TRMT9B: variants seen among roughly 807,000 people sequenced by gnomAD.
TRMT9B encodes tRNA methyltransferase 9B (putative).
TRMT9B carries 16 observed loss-of-function variants against 11.5 expected under a neutral mutation model. That is an observed-to-expected ratio of 1.39 (90% CI 0.94 to 2.11). TRMT9B has a LOEUF of 2.11. Among genes scored for constraint, TRMT9B ranks in the 30% most tolerant of loss-of-function variants. TRMT9B has a pLI of 0.00. For synonymous variants in TRMT9B, 274 were observed against 192.4 expected (o/e 1.42, Z -3.51); for missense variants, 941 against 553.8 (o/e 1.70, Z -7.02).
At chr8:12,977,038 C>G (rs543070305) in intron 1 of TRMT9B, among the ~76,000 whole-genome samples, 1 of 152,292 alleles carries the variant, frequency 6.6e-6, no homozygotes, top group South Asian at 2.1e-4. Flanking sequence ...GGAGGTGCTG[C>G]TAGCAGATGG....
rs1240241165 is a variant in TRMT9B, at chr8:13,022,278, A to G, written c.*234A>G. On this transcript the variant is annotated 3_prime_UTR_variant, in exon 5 of 5. Transcript: ENST00000524591. Reference sequence around the variant, plus strand: ...TTAAATGTTAATATACAAGATCTGAAGAAGCAACAGAAAGTACCCTTCAGT... The same window carrying G: ...TTAAATGTTAATATACAAGATCTGAGGAAGCAACAGAAAGTACCCTTCAGT... 1.8e-5 allele frequency: 8 copies of G among 439,696 alleles called. No individual in the cohort carries two copies. The highest frequency in any genetic ancestry group is 1.6e-4 in the African/African-American group (8 of 49,164). The allele number at this position is 439,696 out of a possible 1,614,324, so 27.2% of individuals were successfully genotyped here.
chr8:13,001,632 A>G (rs1809474546), intron 2 of TRMT9B, among the ~76,000 whole-genome samples: 1 of 152,210 alleles, frequency 6.6e-6, no homozygotes, highest in African/African-American at 2.4e-5. Context: ...AAAAGACAAG[A>G]GGTGTTTAAA....
intron 2 of TRMT9B, among the ~76,000 whole-genome samples, chr8:13,003,645 C>T (rs895383798): frequency 6.6e-6 from 1 of 151,346 alleles, no homozygotes; most frequent in Non-Finnish European, 1.5e-5. Flanking sequence ...GCCTTATGTG[C>T]CCGCCTAAGC....
intron 4 of TRMT9B, among the ~76,000 whole-genome samples, chr8:13,015,070 T>G (rs1301281270): frequency 8.1e-6 from 1 of 123,998 alleles, no homozygotes; most frequent in Non-Finnish European, 1.7e-5. Flanking sequence ...AATAAATAAA[T>G]AAATAAATAA....
intron 1 of TRMT9B, among the ~76,000 whole-genome samples, chr8:12,973,923 G>A (rs1038733558): frequency 5.3e-5 from 8 of 152,144 alleles, no homozygotes; most frequent in African/African-American, 1.9e-4. Flanking sequence ...ACTTTGGGAG[G>A]CTGAGATGGG....
At chr8:13,020,172 A>T (rs1429727941) in intron 4 of TRMT9B, among the ~76,000 whole-genome samples, 1 of 152,162 alleles carries the variant, frequency 6.6e-6, no homozygotes, top group East Asian at 1.9e-4. Context: ...TCATATCAAA[A>T]CAAGAATCTT....
At chr8:12,991,270 T>G (rs113246282) in intron 2 of TRMT9B, among the ~76,000 whole-genome samples, 1 of 152,360 alleles carries the variant, frequency 6.6e-6, no homozygotes, top group East Asian at 1.9e-4. Flanking sequence ...AATACTTTTG[T>G]AGGACTTAAA....
chr8:13,017,278 A>T (rs1812901555), intron 4 of TRMT9B, among the ~76,000 whole-genome samples: 1 of 152,218 alleles, frequency 6.6e-6, no homozygotes, highest in Admixed American at 6.5e-5. Flanking sequence ...ATGAAATATC[A>T]AGATGTAACA....
intron 1 of TRMT9B, chr8:12,952,029 T>C (rs915668307): frequency 5.7e-6 from 1 of 176,902 alleles, no homozygotes; most frequent in African/African-American, 2.4e-5. Flanking sequence ...CGTCTATTTT[T>C]TCCTCTTCCT....
At chr8:12,978,200 C>T (rs147920006) in intron 1 of TRMT9B, among the ~76,000 whole-genome samples, 38 of 152,262 alleles carry the variant, frequency 2.5e-4, no homozygotes, top group African/African-American at 8.7e-4. Context: ...AAACTTCCTG[C>T]TCATCATCAA....
chr8:13,004,449 T>C (rs1051273399), intron 2 of TRMT9B, among the ~76,000 whole-genome samples: 2 of 151,402 alleles, frequency 1.3e-5, no homozygotes, highest in Non-Finnish European at 1.5e-5. Flanking sequence ...ATAAAGAGGA[T>C]TTTGTCTTGT....
At chr8:12,956,015 C>A (rs3915727) in intron 1 of TRMT9B, among the ~76,000 whole-genome samples, 61,460 of 152,036 alleles carry the variant, frequency 0.4, 13,355 homozygotes, top group Middle Eastern at 0.57. Context: ...AAGCTGGTGA[C>A]TGAACATTGC....
intron 3 of TRMT9B, among the ~76,000 whole-genome samples, chr8:13,009,906 T>C (rs1811273445): frequency 6.6e-6 from 1 of 152,166 alleles, no homozygotes; most frequent in South Asian, 2.1e-4. Flanking sequence ...GGCGGGCAGA[T>C]CTTTTAGCTC....
In TRMT9B at chr8:12,951,502, C is replaced by A. The variant is rs1032552118; in HGVS notation, c.-200+5536C>A. The stretch of plus-strand genomic sequence containing the variant: ...GGCACGGCTGGAGGCCGGAAGGTCA[C>A]CCCGTCCCCGGCGGGGCGGGCGCGG... On this transcript the variant is annotated intron_variant, in intron 1 of 4. Transcript: ENST00000524591. The A allele has an allele frequency of 2.0e-5, 3 of 152,368 alleles. No individual in the cohort carries two copies. In the East Asian group the frequency reaches 5.8e-4, roughly 30 times the overall value. 9.4% of individuals were successfully genotyped at this position (152,368 alleles called of 1,614,324 possible).
At chr8:12,951,294 C>T (rs1181584514) in intron 1 of TRMT9B, 1 of 152,440 alleles carries the variant, frequency 6.6e-6, no homozygotes, top group Non-Finnish European at 1.5e-5. Flanking sequence ...ATGAACCGAC[C>T]CCGAGGGGGC....
intron 2 of TRMT9B, among the ~76,000 whole-genome samples, chr8:13,005,584 A>G (rs1004863220): frequency 2.0e-5 from 3 of 152,232 alleles, no homozygotes; most frequent in East Asian, 3.8e-4. Context: ...AAAATTAAAA[A>G]TAAATAAATA....
chr8:12,986,704 G>A (rs776769557), intron 1 of TRMT9B, among the ~76,000 whole-genome samples: 3 of 152,060 alleles, frequency 2.0e-5, no homozygotes, highest in Admixed American at 6.5e-5. Context: ...GGATAGTAGT[G>A]GTACATTGTA....
At chr8:13,004,512 G>C (rs950707424) in intron 2 of TRMT9B, among the ~76,000 whole-genome samples, 4 of 151,984 alleles carry the variant, frequency 2.6e-5, no homozygotes, top group African/African-American at 9.6e-5. Flanking sequence ...AGAGTCCTGA[G>C]GCCGTCTGTT....
At position 12,959,052 on chromosome 8, in the gene TRMT9B, C is replaced by T. The variant is rs187634064; in HGVS notation, c.-200+13086C>T. Reference sequence around the variant, plus strand: ...GCACATGTATACCTATGTAACAAACCTGCATGTTGTGCACATGTACCCTAG... The same window carrying T: ...GCACATGTATACCTATGTAACAAACTTGCATGTTGTGCACATGTACCCTAG... On this transcript the variant is annotated intron_variant, in intron 1 of 4. Transcript: ENST00000524591. Among the ~76,000 whole-genome samples the T allele has an allele frequency of 3.2e-3, 493 of 152,122 alleles. 2 individuals carry two copies. The highest frequency in any genetic ancestry group is 3.0e-3 in the Non-Finnish European group (202 of 68,012).
Sources: allele counts gnomAD v4.1 joint callset (sites outside exome capture counted in the v4.1 genomes callset), GRCh38; gene constraint gnomAD v4.1.1; transcripts MANE v1.5; gene names NCBI Gene and HGNC (gene_info 2026-07-23, HGNC 2026-07-21).